Variants in RAD51B observed in about 807,000 individuals in gnomAD.
RAD51B encodes the protein DNA repair protein RAD51 homolog 2.
Under a neutral mutation model 42.2 loss-of-function variants are expected in RAD51B, and 38 were observed. That is an observed-to-expected ratio of 0.90 (90% CI 0.70 to 1.18). The LOEUF (loss-of-function observed/expected upper bound fraction) is 1.18. RAD51B is among the 50% of genes most tolerant of loss of function. RAD51B has a pLI of 0.00. For synonymous variants in RAD51B, 154 were observed against 145.2 expected, an observed-to-expected ratio of 1.06 and a Z score of -0.43; for missense variants, 373 against 400.7, an observed-to-expected ratio of 0.93 and a Z score of 0.59.
intron 7 of RAD51B, among the ~76,000 whole-genome samples, chr14:67,970,534 T>A (rs556302603): frequency 6.6e-6 from 1 of 152,056 alleles, no homozygotes; most frequent in Non-Finnish European, 1.5e-5. Context: ...TATTTTTATG[T>A]TTATTCATAT....
intron 7 of RAD51B, among the ~76,000 whole-genome samples, chr14:68,232,078 G>A (rs1044343063): frequency 6.8e-5 from 10 of 147,628 alleles, no homozygotes; most frequent in African/African-American, 1.3e-4. Context: ...GTCATCACTC[G>A]TAGAGATAAA....
rs533777994 is a variant in RAD51B, at chr14:68,501,249, C to T, written c.1036+32999C>T. ...ACAGCATAATAAATCCCCCTCTGGC[C>T]TCCTCCCAGACTTATTGTTCTATTG... On this transcript the variant is annotated intron_variant, in intron 10 of 10. Coordinates refer to the RAD51B transcript ENST00000487270. Among the ~76,000 whole-genome samples the T allele has an allele frequency of 3.2e-3, 486 of 152,334 alleles. 1 individual carries two copies. Among genetic ancestry groups the T allele is most frequent in the Non-Finnish European group, 4.7e-3 (320 of 68,034 alleles).
At chr14:68,390,810 C>T (rs2083725920) in intron 8 of RAD51B, among the ~76,000 whole-genome samples, 1 of 152,226 alleles carries the variant, frequency 6.6e-6, no homozygotes, top group Non-Finnish European at 1.5e-5. Flanking sequence ...GTTTCACCAA[C>T]TACTCAGATG....
At chr14:67,872,796 C>G (rs1408415510) in intron 5 of RAD51B, among the ~76,000 whole-genome samples, 3 of 151,058 alleles carry the variant, frequency 2.0e-5, no homozygotes, top group African/African-American at 7.3e-5. Context: ...ATATCTACAA[C>G]TATCTGATCT....
At chr14:67,985,731 A>G (rs1456726249) in intron 7 of RAD51B, among the ~76,000 whole-genome samples, 1 of 151,222 alleles carries the variant, frequency 6.6e-6, no homozygotes, top group East Asian at 1.9e-4. Flanking sequence ...ATGAAACCAC[A>G]TCTCTACAAA....
At chr14:68,657,962 C>T (rs1272920351) in intron 11 of RAD51B, among the ~76,000 whole-genome samples, 1 of 151,794 alleles carries the variant, frequency 6.6e-6, no homozygotes, top group Admixed American at 6.5e-5. Context: ...CTTCCTCCTA[C>T]ACCTGAATCA....
chr14:68,392,113 C>T (rs943957947), intron 8 of RAD51B, among the ~76,000 whole-genome samples: 1 of 152,200 alleles, frequency 6.6e-6, no homozygotes, highest in Non-Finnish European at 1.5e-5. Flanking sequence ...CAAACTATGG[C>T]ACCACCTGTA....
intron 7 of RAD51B, among the ~76,000 whole-genome samples, chr14:67,979,194 G>A (rs775809526): frequency 2.6e-5 from 4 of 152,208 alleles, no homozygotes; most frequent in Non-Finnish European, 5.9e-5. Context: ...AGTGTAGAAA[G>A]TTGTTTTTGC....
intron 10 of RAD51B, among the ~76,000 whole-genome samples, chr14:68,589,732 T>C (rs1890654050): frequency 6.6e-6 from 1 of 152,340 alleles, no homozygotes; most frequent in Middle Eastern, 3.4e-3. Flanking sequence ...TAAGGAGCCC[T>C]GGCATCTTTA....
chr14:67,870,394 A>G (rs1351612670), intron 5 of RAD51B, among the ~76,000 whole-genome samples: 1 of 150,142 alleles, frequency 6.7e-6, no homozygotes, highest in Non-Finnish European at 1.5e-5. Flanking sequence ...AACTATCCTA[A>G]ATATATATGC....
intron 7 of RAD51B, among the ~76,000 whole-genome samples, chr14:68,283,748 A>C (rs2081364006): frequency 6.6e-6 from 1 of 152,148 alleles, no homozygotes; most frequent in Non-Finnish European, 1.5e-5. Flanking sequence ...CAGCAGTGGA[A>C]CCATAGCTCT....
intron 7 of RAD51B, among the ~76,000 whole-genome samples, chr14:67,981,064 A>G (rs1465966406): frequency 6.6e-6 from 1 of 152,188 alleles, no homozygotes; most frequent in Admixed American, 6.5e-5. Flanking sequence ...AAAGGTAGAC[A>G]TCGGATAGAG....
At chr14:68,368,338 C>G (rs955219725) in intron 8 of RAD51B, among the ~76,000 whole-genome samples, 19 of 152,208 alleles carry the variant, frequency 1.2e-4, no homozygotes, top group Non-Finnish European at 2.2e-4. Context: ...TCCCCTTCAT[C>G]CTCCATTCTC....
chr14:68,086,607 T>G (rs60699339), intron 7 of RAD51B, among the ~76,000 whole-genome samples: 67 of 152,224 alleles, frequency 4.4e-4, no homozygotes, highest in African/African-American at 1.2e-3. Flanking sequence ...ATTTAAATGC[T>G]GATAAGGAGT....
chr14:68,586,224 G>T lies in RAD51B; in HGVS notation c.1037-8261G>T, dbSNP rs1186657473. ...CGCCCTGAGGACTATTCAAAGCTGG[G>T]CAGTGATGAGCCTCAAGTAACCCGA... On this transcript the variant is annotated intron_variant, in intron 10 of 10. Transcript: ENST00000487270. Among the ~76,000 whole-genome samples the T allele has an allele frequency of 2.0e-5, 3 of 152,260 alleles. No homozygotes were observed. The East Asian group carries it at 5.8e-4, about 29-fold the overall frequency.
chr14:67,826,737 C>T (rs1199039683), intron 3 of RAD51B, among the ~76,000 whole-genome samples: 3 of 150,998 alleles, frequency 2.0e-5, no homozygotes, highest in East Asian at 1.9e-4. Context: ...GGCTGGAGTA[C>T]GGTGGTGTGA....
chr14:67,933,383 A>G (rs887337005), intron 7 of RAD51B, among the ~76,000 whole-genome samples: 10 of 152,286 alleles, frequency 6.6e-5, no homozygotes, highest in African/African-American at 1.9e-4. Context: ...ATGCAGTCCT[A>G]TGACAGCTGT....
At chr14:68,451,905 A>T (rs1400779711) in intron 9 of RAD51B, among the ~76,000 whole-genome samples, 1 of 152,226 alleles carries the variant, frequency 6.6e-6, no homozygotes, top group Non-Finnish European at 1.5e-5. Context: ...CGTGTGGTCC[A>T]AGCATGATGT....
intron 7 of RAD51B, among the ~76,000 whole-genome samples, chr14:68,266,642 G>A (rs940359784): frequency 5.9e-5 from 9 of 152,198 alleles, no homozygotes; most frequent in Non-Finnish European, 1.2e-4. Flanking sequence ...CTGGAAGGGC[G>A]ATGGCTTTTT....
Sources: gnomAD v4.1 joint callset for allele counts (sites outside exome capture counted in the v4.1 genomes callset) on GRCh38, gnomAD v4.1.1 for gene constraint, MANE v1.5 for transcripts, NCBI Gene and HGNC (gene_info 2026-07-23, HGNC 2026-07-21) for gene names.